UTRN: variants seen among roughly 807,000 people sequenced by gnomAD.
The protein encoded by UTRN is dystrophin-related protein 1.
UTRN carries 283 observed loss-of-function variants against 463.9 expected under a neutral mutation model. The ratio of observed to expected loss-of-function variants is 0.61; its 90% CI spans 0.55 to 0.67. The LOEUF (loss-of-function observed/expected upper bound fraction) is 0.67. Among genes scored for constraint, UTRN ranks in the 30% least tolerant of loss-of-function variants. The pLI, the probability that UTRN is intolerant of heterozygous loss-of-function variation, is 0.00. For missense variants in UTRN, 3,922 were observed against 4,084.3 expected (o/e 0.96, Z 1.08); for synonymous variants, 1,442 against 1,431.5 (o/e 1.01, Z -0.17).
chr6:144,488,835 G>T lies in UTRN; in HGVS notation c.4134+1G>T, dbSNP rs766709360. Reference sequence around the variant, plus strand: ...TTTCCAAGTTCCACAGGAAGCTCAGGTATTGCCGTGCATTTGAGGGCTTTT... The same window carrying T: ...TTTCCAAGTTCCACAGGAAGCTCAGTTATTGCCGTGCATTTGAGGGCTTTT... On this transcript the variant is annotated splice_donor_variant, in intron 30 of 74. Transcript: ENST00000367545. LOFTEE classifies it high-confidence loss of function. The T allele has an allele frequency of 6.3e-7, 1 of 1,586,720 alleles. No individual in the cohort carries two copies. The highest frequency in any genetic ancestry group is 2.3e-5 in the East Asian group (1 of 43,810).
At chr6:144,650,251 G>A (rs112582702) in intron 51 of UTRN, among the ~76,000 whole-genome samples, 15 of 152,266 alleles carry the variant, frequency 9.9e-5, no homozygotes, top group African/African-American at 2.6e-4. Context: ...CCCACAACAC[G>A]TGGGAATTAT....
intron 51 of UTRN, among the ~76,000 whole-genome samples, chr6:144,578,189 C>T (rs989642314): frequency 5.9e-5 from 9 of 152,228 alleles, no homozygotes; most frequent in East Asian, 1.9e-4. Context: ...GGTGGCAGAA[C>T]GAGACTCTGT....
intron 34 of UTRN, among the ~76,000 whole-genome samples, chr6:144,507,660 A>G (rs562631667): frequency 6.6e-6 from 1 of 152,128 alleles, no homozygotes; most frequent in East Asian, 1.9e-4. Context: ...GGGCACTCAC[A>G]AGATACCAGC....
chr6:144,642,923 C>T (rs1166044428), intron 51 of UTRN, among the ~76,000 whole-genome samples: 1 of 152,044 alleles, frequency 6.6e-6, no homozygotes, highest in Non-Finnish European at 1.5e-5. Flanking sequence ...CTTTTTTGCT[C>T]CTTCTGAGTT....
At chr6:144,793,758 C>T (rs1308829964) in intron 62 of UTRN, 76 bp from the exon 63 acceptor site, 1 of 1,539,258 alleles carries the variant, frequency 6.5e-7, no homozygotes, top group East Asian at 2.3e-5. Flanking sequence ...TGGTTCAGTC[C>T]ACATTACCAA....
intron 2 of UTRN, chr6:144,398,865 A>C (rs1313398644): frequency 6.6e-6 from 1 of 152,240 alleles, no homozygotes; most frequent in Admixed American, 6.5e-5. Context: ...TCGTTAAAAA[A>C]AAAAAATCAA....
chr6:144,454,148 T>C (rs1398986326), intron 19 of UTRN, among the ~76,000 whole-genome samples: 1 of 152,174 alleles, frequency 6.6e-6, no homozygotes, highest in Non-Finnish European at 1.5e-5. Flanking sequence ...TAGCATAGTA[T>C]ATTTTAAAAC....
chr6:144,439,218 G>T (rs1786887482), intron 12 of UTRN, among the ~76,000 whole-genome samples: 1 of 152,218 alleles, frequency 6.6e-6, no homozygotes, highest in African/African-American at 2.4e-5. Context: ...TGTGGGTGAA[G>T]AGCAAATTCT....
chr6:144,475,803 C>T (rs1180361797), intron 25 of UTRN, among the ~76,000 whole-genome samples: 1 of 151,946 alleles, frequency 6.6e-6, no homozygotes, highest in African/African-American at 2.4e-5. Flanking sequence ...GAGCCAGATG[C>T]AGTGGTGCAT....
chr6:144,578,045 A>C (rs1193912162), intron 51 of UTRN, among the ~76,000 whole-genome samples: 3 of 152,088 alleles, frequency 2.0e-5, no homozygotes, highest in African/African-American at 7.2e-5. Flanking sequence ...TCTACTAAAA[A>C]TACAAAAATT....
At chr6:144,614,610 G>A (rs573134669) in intron 51 of UTRN, among the ~76,000 whole-genome samples, 1 of 152,260 alleles carries the variant, frequency 6.6e-6, no homozygotes, top group East Asian at 1.9e-4. Flanking sequence ...TAAACAAAAG[G>A]AGCTAGATAT....
chr6:144,678,612 G>C (rs757356361), intron 52 of UTRN, 34 bp downstream of exon 52: 3 of 1,539,146 alleles, frequency 1.9e-6, no homozygotes, highest in Non-Finnish European at 2.6e-6. Context: ...AAAAATAATG[G>C]GGTGGAAGGG....
intron 51 of UTRN, among the ~76,000 whole-genome samples, chr6:144,651,490 G>A (rs895951803): frequency 8.5e-5 from 13 of 152,144 alleles, no homozygotes; most frequent in African/African-American, 3.1e-4. Flanking sequence ...GTTTGATTTC[G>A]AGAGTGTTAT....
At chr6:144,473,888 A>G (rs1009257441) in intron 24 of UTRN, 55 bp downstream of exon 24, 6 of 1,282,494 alleles carry the variant, frequency 4.7e-6, no homozygotes, top group Admixed American at 1.9e-5. Context: ...TTCTTTTTCT[A>G]TGTTATTTGC....
At chr6:144,485,294 G>A in intron 27 of UTRN, 91 bp from the exon 28 acceptor site, 1 of 1,524,478 alleles carries the variant, frequency 6.6e-7, no homozygotes, top group Non-Finnish European at 8.9e-7. Context: ...ACATCCAAAT[G>A]AAATTATTAG....
At chr6:144,738,201 C>G (rs1789654637) in intron 54 of UTRN, among the ~76,000 whole-genome samples, 1 of 152,182 alleles carries the variant, frequency 6.6e-6, no homozygotes, top group South Asian at 2.1e-4. Context: ...AACTTCCTAG[C>G]TCCTCCTTGA....
At chr6:144,727,166 A>G (rs1301356910) in intron 53 of UTRN, among the ~76,000 whole-genome samples, 2 of 152,212 alleles carry the variant, frequency 1.3e-5, no homozygotes, top group Non-Finnish European at 2.9e-5. Flanking sequence ...TTATATTTCC[A>G]GAGGGCCAGT....
chr6:144,317,993 G>C (rs1584260675), intron 2 of UTRN, among the ~76,000 whole-genome samples: 1 of 151,956 alleles, frequency 6.6e-6, no homozygotes, highest in Admixed American at 6.5e-5. Context: ...ACGACTGTAT[G>C]TTTCACCATT....
Position 144,435,923 on chromosome 6 carries a change from T to A in UTRN, c.856-12T>A. The A allele has an allele frequency of 1.2e-6, 2 of 1,612,832 alleles. No homozygotes were observed. Among genetic ancestry groups the A allele is most frequent in the Non-Finnish European group, 1.7e-6 (2 of 1,179,748 alleles). On this transcript the variant is annotated splice_polypyrimidine_tract_variant and intron_variant, in intron 9 of 74. Transcript: ENST00000367545. The stretch of plus-strand genomic sequence containing the variant: ...TGATTAGTGTGGGTTTTTCTTGGCT[T>A]TGTTTTTACAGAGTACAGCGCCTGA...
Sources: allele counts gnomAD v4.1 joint callset (sites outside exome capture counted in the v4.1 genomes callset), GRCh38; gene constraint gnomAD v4.1.1; transcripts MANE v1.5; gene names NCBI Gene and HGNC (gene_info 2026-07-23, HGNC 2026-07-21).